The following EDIL3 variants were observed in gnomAD, a reference collection of about 807,000 sequenced individuals.
EDIL3 encodes the protein EGF like and discoidin domains 3.
EDIL3 carries 37 observed loss-of-function variants against 67.4 expected under a neutral mutation model. The observed-to-expected ratio is 0.55, with a 90% CI of 0.42 to 0.72. The LOEUF is 0.72. EDIL3 is among the 30% of genes least tolerant of loss of function. The pLI is 0.00. For synonymous variants in EDIL3, 195 were observed against 196.3 expected, an observed-to-expected ratio of 0.99 and a Z score of 0.05; for missense variants, 527 against 586.3, an observed-to-expected ratio of 0.90 and a Z score of 1.04.
At chr5:84,131,774 G>C (rs1458760605) in intron 5 of EDIL3, among the ~76,000 whole-genome samples, 1 of 152,004 alleles carries the variant, frequency 6.6e-6, no homozygotes, top group Non-Finnish European at 1.5e-5. Flanking sequence ...AAAAAGATTT[G>C]CCTGTCATTA....
At chr5:84,073,435 T>C (rs1746784866) in intron 6 of EDIL3, among the ~76,000 whole-genome samples, 1 of 152,066 alleles carries the variant, frequency 6.6e-6, no homozygotes, top group Non-Finnish European at 1.5e-5. Flanking sequence ...CATGATTGTA[T>C]ACCTAGAAAA....
intron 9 of EDIL3, among the ~76,000 whole-genome samples, chr5:83,987,455 A>G (rs926696781): frequency 6.6e-6 from 1 of 152,142 alleles, no homozygotes; most frequent in Non-Finnish European, 1.5e-5. Context: ...TGACATTAGT[A>G]TGCTGACTTT....
At chr5:84,088,584 G>T (rs1322697982) in intron 6 of EDIL3, among the ~76,000 whole-genome samples, 1 of 152,138 alleles carries the variant, frequency 6.6e-6, no homozygotes, top group South Asian at 2.1e-4. Flanking sequence ...GACCTGCATT[G>T]AACATAGTTT....
chr5:83,949,078 T>C (rs1744362778), intron 10 of EDIL3, among the ~76,000 whole-genome samples: 1 of 151,638 alleles, frequency 6.6e-6, no homozygotes, highest in South Asian at 2.1e-4. Flanking sequence ...AAAGTAGGGG[T>C]TTCTGTTGGA....
Position 84,298,066 on chromosome 5 carries a change from G to A in EDIL3, c.68-43854C>T, listed in dbSNP as rs113992878. On this transcript the variant is annotated intron_variant, in intron 1 of 10. Coordinates refer to ENST00000296591, the MANE Select transcript of EDIL3 (RefSeq NM_005711.5). ...ACATTATGTCAGACATGCAAGCCCT[G>A]CCTCAGCTTCTCCCAACACTCAGCT... Among the ~76,000 whole-genome samples, 764 of 152,254 alleles carry A rather than the reference G, an allele frequency of 5.0e-3. 5 individuals are homozygous for A. Among genetic ancestry groups the A allele is most frequent in the African/African-American group, 0.018 (729 of 41,538 alleles).
At chr5:84,093,201 T>C (rs535278168) in intron 6 of EDIL3, among the ~76,000 whole-genome samples, 1 of 152,148 alleles carries the variant, frequency 6.6e-6, no homozygotes, top group South Asian at 2.1e-4. Flanking sequence ...TTTTTTTTGT[T>C]CAGTATTCCC....
At chr5:84,281,397 C>G (rs146460881) in intron 1 of EDIL3, among the ~76,000 whole-genome samples, 1 of 152,132 alleles carries the variant, frequency 6.6e-6, no homozygotes, top group South Asian at 2.1e-4. Context: ...CTTTTGCAAC[C>G]CACATTCCCT....
chr5:84,098,703 G>C (rs541579360), intron 6 of EDIL3, among the ~76,000 whole-genome samples: 1 of 152,088 alleles, frequency 6.6e-6, no homozygotes, highest in Non-Finnish European at 1.5e-5. Flanking sequence ...GAAGTTATTT[G>C]AAACTAATGA....
intron 3 of EDIL3, among the ~76,000 whole-genome samples, chr5:84,205,281 C>A (rs1207562549): frequency 3.3e-5 from 5 of 151,876 alleles, no homozygotes; most frequent in Non-Finnish European, 7.4e-5. Context: ...TATATATGTT[C>A]CACATTTTTT....
At chr5:84,151,005 T>C (rs761609282) in intron 4 of EDIL3, among the ~76,000 whole-genome samples, 2 of 152,074 alleles carry the variant, frequency 1.3e-5, no homozygotes, top group African/African-American at 2.4e-5. Flanking sequence ...GTGATTGGGA[T>C]GAAGTTGAAG....
intron 3 of EDIL3, among the ~76,000 whole-genome samples, chr5:84,190,579 G>GTGTGTA (rs1456078500): frequency 1.6e-5 from 2 of 122,056 alleles, no homozygotes; most frequent in Admixed American, 8.5e-5. Flanking sequence ...GTGTGTGTGT[G>GTGTGTA]TATATATATA....
At chr5:83,949,262 C>T (rs1311484777) in intron 10 of EDIL3, among the ~76,000 whole-genome samples, 1 of 151,666 alleles carries the variant, frequency 6.6e-6, no homozygotes, top group African/African-American at 2.4e-5. Context: ...TGAGTGGAAC[C>T]ATTACCCTCC....
At chr5:84,278,276 A>G (rs1745627709) in intron 1 of EDIL3, among the ~76,000 whole-genome samples, 1 of 152,160 alleles carries the variant, frequency 6.6e-6, no homozygotes, top group African/African-American at 2.4e-5. Flanking sequence ...TTCACTGTAT[A>G]TTTCATTCAT....
intron 9 of EDIL3, among the ~76,000 whole-genome samples, chr5:84,018,563 G>A (rs1580281822): frequency 6.6e-6 from 1 of 152,238 alleles, no homozygotes; most frequent in Middle Eastern, 3.4e-3. Context: ...GAGTCAAAAA[G>A]TGCCATCGGC....
chr5:83,990,477 C>T (rs1227328168), intron 9 of EDIL3, among the ~76,000 whole-genome samples: 2 of 131,712 alleles, frequency 1.5e-5, no homozygotes, highest in African/African-American at 5.7e-5. Context: ...CCGAGTGAGA[C>T]TCCATCACAA....
At chr5:84,175,661 G>A (rs893732282) in intron 4 of EDIL3, among the ~76,000 whole-genome samples, 6 of 152,160 alleles carry the variant, frequency 3.9e-5, no homozygotes, top group African/African-American at 2.4e-5. Flanking sequence ...GCCGAATGAC[G>A]CTTCATCAAC....
intron 5 of EDIL3, among the ~76,000 whole-genome samples, chr5:84,124,015 T>G (rs1747820973): frequency 6.6e-6 from 1 of 151,924 alleles, no homozygotes; most frequent in African/African-American, 2.4e-5. Context: ...TTTACACCAA[T>G]CAAAATAGAT....
chr5:83,958,937 T>C (rs1339631008), intron 10 of EDIL3, among the ~76,000 whole-genome samples: 1 of 151,078 alleles, frequency 6.6e-6, no homozygotes, highest in Non-Finnish European at 1.5e-5. Context: ...TGTAGACTAG[T>C]AAGGGGAAAA....
chr5:84,303,942 A>G (rs890783926), intron 1 of EDIL3, among the ~76,000 whole-genome samples: 13 of 151,938 alleles, frequency 8.6e-5, no homozygotes, highest in African/African-American at 3.1e-4. Flanking sequence ...ACCGTTTTAC[A>G]GCTAACTTTT....
Sources: allele counts gnomAD v4.1 joint callset (sites outside exome capture counted in the v4.1 genomes callset), GRCh38; gene constraint gnomAD v4.1.1; transcripts MANE v1.5; gene names NCBI Gene and HGNC (gene_info 2026-07-23, HGNC 2026-07-21).